EEFSEC: variants seen among roughly 807,000 people sequenced by gnomAD.
The protein encoded by EEFSEC is selenocysteine-specific elongation factor.
Under a neutral mutation model 42.1 loss-of-function variants are expected in EEFSEC, and 43 were observed. The ratio of observed to expected loss-of-function variants is 1.02; its 90% CI spans 0.80 to 1.32. The LOEUF (loss-of-function observed/expected upper bound fraction) is 1.32, where lower values mean the gene tolerates loss of function less well. Among genes scored for constraint, EEFSEC ranks in the 40% most tolerant of loss-of-function variants. EEFSEC has a pLI of 0.00. For synonymous variants in EEFSEC, 354 were observed against 339.1 expected, an observed-to-expected ratio of 1.04 and a Z score of -0.48; for missense variants, 745 against 803.6, an observed-to-expected ratio of 0.93 and a Z score of 0.88.
At chr3:128,262,006 T>A (rs1252541419) in intron 2 of EEFSEC, 122 bp from the exon 3 acceptor site, 3 of 872,158 alleles carry the variant, frequency 3.4e-6, no homozygotes, top group Non-Finnish European at 5.6e-6. Context: ...CTAGGCTTGG[T>A]TGATGTGGGG....
intron 4 of EEFSEC, chr3:128,336,768 T>C (rs1220353408): frequency 6.6e-6 from 1 of 152,232 alleles, no homozygotes; most frequent in African/African-American, 2.4e-5. Context: ...TTTCTCACAG[T>C]ACCTCCCACA....
chr3:128,209,719 T>C (rs2065736558), intron 1 of EEFSEC, among the ~76,000 whole-genome samples: 1 of 152,108 alleles, frequency 6.6e-6, no homozygotes, highest in Non-Finnish European at 1.5e-5. Context: ...CACGCACACA[T>C]GCTGAAAACC....
At chr3:128,321,368 C>T (rs1348779833) in intron 4 of EEFSEC, among the ~76,000 whole-genome samples, 1 of 152,172 alleles carries the variant, frequency 6.6e-6, no homozygotes, top group African/African-American at 2.4e-5. Context: ...CTGCCAAGTT[C>T]TGCCTCCATG....
intron 4 of EEFSEC, among the ~76,000 whole-genome samples, chr3:128,283,486 C>G (rs1376077131): frequency 1.3e-5 from 2 of 152,182 alleles, no homozygotes; most frequent in Admixed American, 6.5e-5. Context: ...CTGTGTGGCT[C>G]TACCCTCCAG....
In EEFSEC at chr3:128,230,704, T is replaced by C. The variant is rs1171752266; in HGVS notation, c.317-16132T>C. On this transcript the variant is annotated intron_variant, in intron 1 of 6. Coordinates refer to ENST00000254730, the MANE Select transcript of EEFSEC (RefSeq NM_021937.5). The stretch of plus-strand genomic sequence containing the variant: ...TTTTACAGGTAGGAGAGACTGAGGC[T>C]CAAATAGGTAAGGGCCTTTAGACAG... Among the ~76,000 whole-genome samples, 11 of 152,170 alleles carry C rather than the reference T, an allele frequency of 7.2e-5. 1 individual carries two copies. The highest frequency in any genetic ancestry group is 6.5e-4 in the Admixed American group (10 of 15,278).
chr3:128,279,487 G>A (rs527406429), intron 4 of EEFSEC, among the ~76,000 whole-genome samples: 54 of 152,078 alleles, frequency 3.6e-4, no homozygotes, highest in Non-Finnish European at 6.2e-4. Context: ...TAGAACAGGC[G>A]GCCCCCTCAG....
At chr3:128,412,389 C>G (rs2068180070), downstream of EEFSEC, among the ~76,000 whole-genome samples, 1 of 152,240 alleles carries the variant, frequency 6.6e-6, no homozygotes, top group Non-Finnish European at 1.5e-5. Context: ...GATTCCCTTC[C>G]AGAGACCAAG....
chr3:128,162,667 G>A (rs1204859571), intron 1 of EEFSEC, among the ~76,000 whole-genome samples: 3 of 152,168 alleles, frequency 2.0e-5, no homozygotes, highest in Non-Finnish European at 4.4e-5. Context: ...AATGGAAGCA[G>A]GTAGTCATAT....
intron 5 of EEFSEC, among the ~76,000 whole-genome samples, chr3:128,351,869 A>C (rs957176550): frequency 6.6e-6 from 1 of 152,338 alleles, no homozygotes; most frequent in South Asian, 2.1e-4. Flanking sequence ...GAGAATCCCC[A>C]CTTAGCGCCA....
At chr3:128,226,092 C>G (rs2065904740) in intron 1 of EEFSEC, among the ~76,000 whole-genome samples, 1 of 152,194 alleles carries the variant, frequency 6.6e-6, no homozygotes, top group African/African-American at 2.4e-5. Flanking sequence ...TCGTTGCCAG[C>G]AAGTGTGCTG....
chr3:128,348,271 C>T lies in EEFSEC; in HGVS notation c.1443+6382C>T, dbSNP rs1735556. Among the ~76,000 whole-genome samples, 623 of 147,798 alleles carry T rather than the reference C, an allele frequency of 4.2e-3. 2 individuals are homozygous for T. Among genetic ancestry groups the T allele is most frequent in the African/African-American group, 0.013 (518 of 39,486 alleles). ...GTGCATGCGTGTGTGTGTGTGTGTG[C>T]GTGTGCGTGTGTGTGTGTGTGCGTG... On this transcript the variant is annotated intron_variant, in intron 5 of 6. Coordinates refer to ENST00000254730, the MANE Select transcript of EEFSEC (RefSeq NM_021937.5).
chr3:128,273,742 A>G (rs2066438643), intron 4 of EEFSEC, among the ~76,000 whole-genome samples: 1 of 152,206 alleles, frequency 6.6e-6, no homozygotes, highest in African/African-American at 2.4e-5. Context: ...TTCTGCAAGG[A>G]TGGCACTGGG....
chr3:128,257,623 A>T (rs2066254160), intron 2 of EEFSEC, among the ~76,000 whole-genome samples: 2 of 152,240 alleles, frequency 1.3e-5, no homozygotes, highest in Non-Finnish European at 2.9e-5. Context: ...ATTTGTCTTT[A>T]TCACACCTTT....
intron 2 of EEFSEC, among the ~76,000 whole-genome samples, chr3:128,252,548 C>T (rs1026350281): frequency 6.6e-6 from 1 of 152,204 alleles, no homozygotes; most frequent in Non-Finnish European, 1.5e-5. Flanking sequence ...CGGATCCTTA[C>T]AGTTTCCTAA....
In EEFSEC at chr3:128,221,118, T is replaced by C. The variant is rs180854128; in HGVS notation, c.317-25718T>C. Reference sequence around the variant, plus strand: ...TTGCACCTTGCAATTTACCATGTTTTTTCAGACTTCCAGTTAACATGGTGG... The same window carrying C: ...TTGCACCTTGCAATTTACCATGTTTCTTCAGACTTCCAGTTAACATGGTGG... On this transcript the variant is annotated intron_variant, in intron 1 of 6. Transcript: ENST00000254730. Among the ~76,000 whole-genome samples, 45 of 152,380 alleles carry C rather than the reference T, an allele frequency of 3.0e-4. No homozygotes were observed. In the East Asian group the frequency reaches 7.5e-3, roughly 25 times the overall value.
rs569018957 is a variant in EEFSEC, at chr3:128,320,756, C to T, written c.787-20477C>T. On this transcript the variant is annotated intron_variant, in intron 4 of 6. Transcript: ENST00000254730. Reference sequence around the variant, plus strand: ...GTCCCTGTAGGACAAACAAGCAAGGCGGTAGCCACTCCACCAGTGTATAAG... The same window carrying T: ...GTCCCTGTAGGACAAACAAGCAAGGTGGTAGCCACTCCACCAGTGTATAAG... Among the ~76,000 whole-genome samples, 7 of 152,292 alleles carry T rather than the reference C, an allele frequency of 4.6e-5. 1 individual carries two copies. In the South Asian group the frequency reaches 6.2e-4, roughly 14 times the overall value.
At chr3:128,389,232 G>A (rs192799092) in intron 6 of EEFSEC, among the ~76,000 whole-genome samples, 15 of 152,220 alleles carry the variant, frequency 9.9e-5, no homozygotes, top group African/African-American at 2.9e-4. Flanking sequence ...ACACTCACCC[G>A]AGGACATCAC....
At chr3:128,190,336 G>A (rs1454553063) in intron 1 of EEFSEC, among the ~76,000 whole-genome samples, 1 of 152,200 alleles carries the variant, frequency 6.6e-6, no homozygotes, top group Non-Finnish European at 1.5e-5. Context: ...CAGTGATGTT[G>A]ATGATCCTGA....
At chr3:128,315,558 G>A (rs777414591) in intron 4 of EEFSEC, among the ~76,000 whole-genome samples, 1 of 152,190 alleles carries the variant, frequency 6.6e-6, no homozygotes, top group Non-Finnish European at 1.5e-5. Context: ...CCAGAAGCCA[G>A]GGCCTGAGCT....
Sources: allele counts gnomAD v4.1 joint callset (sites outside exome capture counted in the v4.1 genomes callset), GRCh38; gene constraint gnomAD v4.1.1; transcripts MANE v1.5; gene names NCBI Gene and HGNC (gene_info 2026-07-23, HGNC 2026-07-21).